Variants in NRG1 observed in about 807,000 individuals in gnomAD.
NRG1 encodes pro-neuregulin-1, membrane-bound isoform.
NRG1 carries 18 observed loss-of-function variants against 63.8 expected under a neutral mutation model. That is an observed-to-expected ratio of 0.28 (90% confidence interval 0.19 to 0.42). The LOEUF (loss-of-function observed/expected upper bound fraction) is 0.42, where lower values mean the gene tolerates loss of function less well. Among genes scored for constraint, NRG1 ranks in the 10% least tolerant of loss-of-function variants. The probability of loss-of-function intolerance (pLI) is 1.00; values close to 1 mark genes in which losing one functional copy is unlikely to be tolerated. For synonymous variants in NRG1, 302 were observed against 301.3 expected (o/e 1.00, Z -0.02); for missense variants, 762 against 814.7 (o/e 0.94, Z 0.79).
intron 1 of NRG1, among the ~76,000 whole-genome samples, chr8:32,027,249 A>G (rs915948999): frequency 1.3e-5 from 2 of 152,154 alleles, no homozygotes; most frequent in Admixed American, 6.5e-5. Flanking sequence ...TTTGCCAAAC[A>G]ATGAATATTT....
intron 1 of NRG1, among the ~76,000 whole-genome samples, chr8:31,676,408 A>G (rs1452934740): frequency 6.6e-6 from 1 of 152,080 alleles, no homozygotes; most frequent in Non-Finnish European, 1.5e-5. Flanking sequence ...TTCTTCCCCA[A>G]GATTTCCTCG....
intron 1 of NRG1, among the ~76,000 whole-genome samples, chr8:31,687,148 G>T (rs1585666498): frequency 6.6e-6 from 1 of 152,064 alleles, no homozygotes; most frequent in South Asian, 2.1e-4. Context: ...CCTGAAAAAA[G>T]GAAACAACTA....
chr8:31,852,170 T>C (rs1354305132), intron 1 of NRG1, among the ~76,000 whole-genome samples: 1 of 152,206 alleles, frequency 6.6e-6, no homozygotes, highest in Non-Finnish European at 1.5e-5. Context: ...TCTAGATCCC[T>C]GAGGAATCGC....
intron 1 of NRG1, among the ~76,000 whole-genome samples, chr8:31,979,683 G>T (rs1808769985): frequency 6.6e-6 from 1 of 152,014 alleles, no homozygotes; most frequent in Admixed American, 6.6e-5. Flanking sequence ...TAAGCACCTT[G>T]AGGACAAATA....
chr8:31,920,160 CA>C (rs1196808778), intron 1 of NRG1, among the ~76,000 whole-genome samples: 1 of 151,902 alleles, frequency 6.6e-6, no homozygotes, highest in Non-Finnish European at 1.5e-5. Context: ...AAAGTCAACA[CA>C]AAAAAGGAAT....
intron 1 of NRG1, among the ~76,000 whole-genome samples, chr8:32,018,195 C>A (rs1228892571): frequency 6.6e-6 from 1 of 152,126 alleles, no homozygotes; most frequent in East Asian, 1.9e-4. Flanking sequence ...ATTTCAACCC[C>A]AATTGTCCTA....
intron 7 of NRG1, among the ~76,000 whole-genome samples, chr8:32,750,425 C>T (rs112984315): frequency 1.4e-4 from 22 of 152,170 alleles, no homozygotes; most frequent in African/African-American, 4.8e-4. Context: ...TGCTACCTTC[C>T]CAGAGACTCC....
chr8:32,564,888 C>T (rs1447832622), intron 1 of NRG1, among the ~76,000 whole-genome samples: 1 of 151,898 alleles, frequency 6.6e-6, no homozygotes, highest in Non-Finnish European at 1.5e-5. Flanking sequence ...TAGAAAAACA[C>T]CATCTTCCTC....
chr8:32,370,807 A>C (rs1433518952), intron 1 of NRG1, among the ~76,000 whole-genome samples: 1 of 142,546 alleles, frequency 7.0e-6, no homozygotes, highest in Non-Finnish European at 1.5e-5. Context: ...GCAGTGAGCC[A>C]AGATCTCACT....
intron 7 of NRG1, among the ~76,000 whole-genome samples, chr8:32,747,793 G>A (rs1356278295): frequency 1.4e-5 from 2 of 147,170 alleles, no homozygotes; most frequent in Admixed American, 1.4e-4. Context: ...TTTCCTTAAA[G>A]GGCAGCAAGT....
intron 1 of NRG1, among the ~76,000 whole-genome samples, chr8:32,191,343 G>A (rs1842474855): frequency 6.6e-6 from 1 of 152,146 alleles, no homozygotes; most frequent in Non-Finnish European, 1.5e-5. Flanking sequence ...GCCTCCCAAA[G>A]TGCTGGGATT....
Position 31,794,338 on chromosome 8 carries a change from C to A in NRG1, c.37+154907C>A, listed in dbSNP as rs141835599. Among the ~76,000 whole-genome samples the A allele has an allele frequency of 2.6e-5, 4 of 151,878 alleles. No individual in the cohort carries two copies. The South Asian group carries it at 8.3e-4, about 32-fold the overall frequency. On this transcript the variant is annotated intron_variant, in intron 1 of 10. Coordinates refer to the NRG1 transcript ENST00000519301. ...AAACCAGGGACGGGCTATTTCAATTCAGTTTAATTCAAAAAAATAATTATT... is the reference window on the plus strand; with the variant it reads ...AAACCAGGGACGGGCTATTTCAATTAAGTTTAATTCAAAAAAATAATTATT...
chr8:31,806,051 T>C (rs1452240952), intron 1 of NRG1, among the ~76,000 whole-genome samples: 2 of 152,142 alleles, frequency 1.3e-5, no homozygotes, highest in Non-Finnish European at 2.9e-5. Flanking sequence ...TTAAAAATTA[T>C]GGATAAATTA....
intron 1 of NRG1, among the ~76,000 whole-genome samples, chr8:32,042,720 G>A (rs1450458208): frequency 6.6e-6 from 1 of 151,752 alleles, no homozygotes; most frequent in Non-Finnish European, 1.5e-5. Context: ...GACATTTTAT[G>A]GTAACTTTAG....
At position 31,922,816 on chromosome 8, in the gene NRG1, T is replaced by G. The variant is rs143800721; in HGVS notation, c.37+283385T>G. Among the ~76,000 whole-genome samples the G allele has an allele frequency of 4.2e-3, 641 of 152,202 alleles. 5 individuals carry two copies. The highest frequency in any genetic ancestry group is 0.015 in the African/African-American group (608 of 41,522). On this transcript the variant is annotated intron_variant, in intron 1 of 10. Coordinates refer to the NRG1 transcript ENST00000519301. ...CTATTATGTGCCAGGTGTTGGAAGA[T>G]GTGAAGGTGAACAAGCAGATGATTT...
intron 1 of NRG1, among the ~76,000 whole-genome samples, chr8:31,971,380 A>G (rs1414432433): frequency 2.0e-5 from 3 of 152,142 alleles, no homozygotes; most frequent in Non-Finnish European, 4.4e-5. Context: ...CATTTTTTAC[A>G]TTTTGTGTTT....
At chr8:32,055,382 G>T (rs962645384) in intron 1 of NRG1, among the ~76,000 whole-genome samples, 14 of 152,140 alleles carry the variant, frequency 9.2e-5, no homozygotes, top group African/African-American at 2.4e-4. Flanking sequence ...TTTTCATTCA[G>T]AATTAAGTCA....
At chr8:32,743,917 A>G (rs1826959304) in intron 7 of NRG1, among the ~76,000 whole-genome samples, 1 of 152,090 alleles carries the variant, frequency 6.6e-6, no homozygotes, top group Non-Finnish European at 1.5e-5. Context: ...CTACTATTGT[A>G]GCATGAAAAC....
intron 1 of NRG1, among the ~76,000 whole-genome samples, chr8:31,735,860 A>G (rs1814612774): frequency 1.3e-5 from 2 of 152,192 alleles, no homozygotes; most frequent in African/African-American, 4.8e-5. Context: ...CCCATCCATA[A>G]GAAATTCTCT....
Sources: gnomAD v4.1 joint callset for allele counts (sites outside exome capture counted in the v4.1 genomes callset) on GRCh38, gnomAD v4.1.1 for gene constraint, MANE v1.5 for transcripts, NCBI Gene and HGNC (gene_info 2026-07-23, HGNC 2026-07-21) for gene names.